NCKAP5: variants seen among roughly 807,000 people sequenced by gnomAD.
NCKAP5 encodes nck-associated protein 5.
In NCKAP5, 92 loss-of-function variants were observed where a neutral mutation model predicts 167.0. The observed-to-expected ratio is 0.55, with a 90% CI of 0.47 to 0.66. NCKAP5 has a LOEUF of 0.66. Ranked by LOEUF, NCKAP5 falls within the 30% of genes least tolerant of loss-of-function variation. NCKAP5 has a pLI of 0.00. For missense variants in NCKAP5, 2,378 were observed against 2,315.0 expected, an observed-to-expected ratio of 1.03 and a Z score of -0.56; for synonymous variants, 891 against 877.4, an observed-to-expected ratio of 1.02 and a Z score of -0.27.
chr2:133,635,838 T>C, the NCKAP5 span, among the ~76,000 whole-genome samples: 4 of 152,152 alleles, frequency 2.6e-5, no homozygotes, highest in African/African-American at 9.7e-5. Context: ...AAATCATGAA[T>C]GAAGTACTAA....
chr2:132,737,640 T>C (rs1691644267), intron 16 of NCKAP5, among the ~76,000 whole-genome samples: 1 of 152,172 alleles, frequency 6.6e-6, no homozygotes, highest in Non-Finnish European at 1.5e-5. Flanking sequence ...CCCAGCTGCC[T>C]CCGCTTCTGG....
intron 19 of NCKAP5, among the ~76,000 whole-genome samples, chr2:132,690,230 G>A (rs371063898): frequency 4.6e-5 from 7 of 152,142 alleles, no homozygotes; most frequent in South Asian, 2.1e-4. Flanking sequence ...AAGGCTATGC[G>A]TGAGAGATAA....
chr2:132,776,307 C>A (rs1187996434), intron 15 of NCKAP5, among the ~76,000 whole-genome samples: 1 of 152,170 alleles, frequency 6.6e-6, no homozygotes, highest in African/African-American at 2.4e-5. Flanking sequence ...CCCTTCCCTA[C>A]TGTTCCTTAC....
At chr2:133,018,569 C>G (rs920730359) in intron 6 of NCKAP5, among the ~76,000 whole-genome samples, 2 of 152,216 alleles carry the variant, frequency 1.3e-5, no homozygotes, top group Non-Finnish European at 2.9e-5. Context: ...GTACTTAACA[C>G]ATTCTTAAGG....
At chr2:133,320,468 C>T (rs1330390546) in intron 3 of NCKAP5, among the ~76,000 whole-genome samples, 1 of 152,180 alleles carries the variant, frequency 6.6e-6, no homozygotes, top group East Asian at 1.9e-4. Context: ...GTGGCTCACG[C>T]CTGTAATCCC....
Position 132,782,616 on chromosome 2 carries a change from C to A in NCKAP5, c.4195G>T (p.Ala1399Ser). The change falls in exon 14 of 20, where the codon GCC (alanine) becomes TCC (serine). Residue 1399 changes from alanine (A) to serine (S), a missense_variant. This residue lies in a region of NCKAP5 where 1,325 missense variants were observed against 1,274.5 expected (regional missense o/e 1.04). Transcript: ENST00000409261. ...GGTTCCCCAAGTACAGCCACATTGG[C>A]ACTGGGGCACTCTCCCTGGGTGAAG... Reference protein sequence around the residue: ...QAFTQGECPSANVAVLGEPGS... With the variant: ...QAFTQGECPSSNVAVLGEPGS... 6.3e-7 allele frequency: 1 copy of A among 1,596,192 alleles called. No homozygotes were observed. The highest frequency in any genetic ancestry group is 8.5e-7 in the Non-Finnish European group (1 of 1,171,018).
intron 3 of NCKAP5, among the ~76,000 whole-genome samples, chr2:133,476,457 A>T (rs1679902170): frequency 6.6e-6 from 1 of 152,206 alleles, no homozygotes; most frequent in Non-Finnish European, 1.5e-5. Context: ...TACCAGTGTA[A>T]TTAAAGCTGC....
chr2:132,849,476 A>G (rs1688916918), intron 11 of NCKAP5, among the ~76,000 whole-genome samples: 1 of 152,202 alleles, frequency 6.6e-6, no homozygotes, highest in Non-Finnish European at 1.5e-5. Flanking sequence ...TTAATACAGT[A>G]TATTTTTGGG....
the NCKAP5 span, among the ~76,000 whole-genome samples, chr2:133,645,132 A>G: frequency 6.6e-6 from 1 of 152,216 alleles, no homozygotes; most frequent in Non-Finnish European, 1.5e-5. Flanking sequence ...GCCAATTTGT[A>G]TGTATATTTA....
chr2:133,064,980 A>T (rs1866189), intron 6 of NCKAP5, among the ~76,000 whole-genome samples: 117,757 of 152,224 alleles, frequency 0.77, 45,870 homozygotes, highest in East Asian at 0.97. Flanking sequence ...TGTTCTAAGC[A>T]TTGGAAGTAA....
the NCKAP5 span, among the ~76,000 whole-genome samples, chr2:133,587,656 T>C: frequency 6.6e-6 from 1 of 152,358 alleles, no homozygotes; most frequent in Non-Finnish European, 1.5e-5. Context: ...CCAAAGTTCC[T>C]GCACAATGAG....
chr2:132,754,862 T>G (rs567245973), intron 16 of NCKAP5, among the ~76,000 whole-genome samples: 1 of 152,346 alleles, frequency 6.6e-6, no homozygotes, highest in Admixed American at 6.5e-5. Flanking sequence ...ATTAGAGTGA[T>G]TCAGTCTTCA....
chr2:132,705,104 G>T (rs553318243), intron 19 of NCKAP5, among the ~76,000 whole-genome samples: 8 of 152,194 alleles, frequency 5.3e-5, no homozygotes, highest in African/African-American at 1.2e-4. Flanking sequence ...AACAGCATCT[G>T]CCCATAAGTT....
At chr2:133,284,711 T>G (rs1006442051) in intron 4 of NCKAP5, 1 of 152,224 alleles carries the variant, frequency 6.6e-6, no homozygotes, top group African/African-American at 2.4e-5. Flanking sequence ...AAGGGACATT[T>G]CCACATTCTA....
chr2:133,385,814 G>A (rs527917123), intron 3 of NCKAP5, among the ~76,000 whole-genome samples: 79 of 152,296 alleles, frequency 5.2e-4, no homozygotes, highest in Middle Eastern at 3.4e-3. Flanking sequence ...ATTTCTTCTA[G>A]ATTTTCTAGT....
intron 6 of NCKAP5, among the ~76,000 whole-genome samples, chr2:133,025,982 T>C (rs887837469): frequency 6.6e-6 from 1 of 152,102 alleles, no homozygotes; most frequent in Admixed American, 6.6e-5. Flanking sequence ...TCCCTCCCCC[T>C]CTCCTCCGAC....
At chr2:133,213,053 A>T (rs1013983512) in intron 5 of NCKAP5, among the ~76,000 whole-genome samples, 2 of 152,186 alleles carry the variant, frequency 1.3e-5, no homozygotes, top group Non-Finnish European at 2.9e-5. Context: ...TTCGTTTCAG[A>T]AGTAGCAACA....
At chr2:133,098,541 T>C (rs570331678) in intron 6 of NCKAP5, among the ~76,000 whole-genome samples, 6 of 152,338 alleles carry the variant, frequency 3.9e-5, no homozygotes, top group African/African-American at 1.2e-4. Context: ...TCGTGGTTAC[T>C]GGGTAAAATT....
At chr2:132,720,697 C>T (rs1343515328) in intron 19 of NCKAP5, among the ~76,000 whole-genome samples, 1 of 152,168 alleles carries the variant, frequency 6.6e-6, no homozygotes, top group East Asian at 1.9e-4. Context: ...ATCAAATGTC[C>T]TCTCCTGCCT....
Sources: allele counts gnomAD v4.1 joint callset (sites outside exome capture counted in the v4.1 genomes callset), GRCh38; gene constraint gnomAD v4.1.1; regional missense constraint gnomAD v4.1.1; transcripts MANE v1.5; gene names NCBI Gene and HGNC (gene_info 2026-07-23, HGNC 2026-07-21).